Variants in KCNG2 observed in about 807,000 individuals in gnomAD.
KCNG2 encodes the protein potassium voltage-gated channel modifier subfamily G member 2.
Under a neutral mutation model 12.3 loss-of-function variants are expected in KCNG2, and 7 were observed. The observed-to-expected ratio is 0.57, with a 90% CI of 0.32 to 1.07. KCNG2 has a LOEUF of 1.07. Ranked by LOEUF, KCNG2 falls within the 50% of genes least tolerant of loss-of-function variation. The probability of loss-of-function intolerance (pLI) is 0.04; values close to 1 mark genes in which losing one functional copy is unlikely to be tolerated. For missense variants in KCNG2, 703 were observed against 726.0 expected, an observed-to-expected ratio of 0.97 and a Z score of 0.36; for synonymous variants, 414 against 351.4, an observed-to-expected ratio of 1.18 and a Z score of -1.99.
At chr18:79,829,328 GTGTGTGTCT>G (rs977328159) in intron 1 of KCNG2, among the ~76,000 whole-genome samples, 5 of 151,772 alleles carry the variant, frequency 3.3e-5, no homozygotes, top group African/African-American at 1.2e-4. Context: ...ACATGTGTCT[GTGTGTGTCT>G]TGTGTGTCTG....
In KCNG2 at chr18:79,828,995, AAC is replaced by A. The variant is rs1309926587; in HGVS notation, c.-114-27382_-114-27381del. 8.2e-5 allele frequency among the ~76,000 whole-genome samples: 8 copies of A among 97,802 alleles called. No individual in the cohort carries two copies. In the East Asian group the frequency reaches 2.7e-3, roughly 33 times the overall value. The allele number at this position is 97,802 out of a possible 152,430, so 64.2% of individuals were successfully genotyped here. On this transcript the variant is annotated intron_variant, in intron 1 of 3. Transcript: ENST00000316249. ...TGGGTGTCTATGTGTGCGTGTGTGT[AAC>A]ATGTCCATGATGTGTGCATGTGTCT... is the stretch of plus-strand genomic sequence containing the variant.
At chr18:79,893,239 T>G (rs189332726) in intron 3 of KCNG2, among the ~76,000 whole-genome samples, 1 of 152,138 alleles carries the variant, frequency 6.6e-6, no homozygotes, top group African/African-American at 2.4e-5. Context: ...TTGATATAGC[T>G]GGGTCTGTGT....
At chr18:79,817,318 GC>G (rs2087537152) in intron 1 of KCNG2, among the ~76,000 whole-genome samples, 3 of 152,286 alleles carry the variant, frequency 2.0e-5, no homozygotes, top group Middle Eastern at 6.8e-3. Context: ...CTGCCACATG[GC>G]CGCCACTCAC....
At chr18:79,858,189 A>G (rs932337661) in intron 2 of KCNG2, among the ~76,000 whole-genome samples, 1 of 151,992 alleles carries the variant, frequency 6.6e-6, no homozygotes, top group African/African-American at 2.4e-5. Flanking sequence ...TTTGGTAGAG[A>G]CAGGGTTTCG....
chr18:79,871,938 G>C (rs1194236327), intron 3 of KCNG2, among the ~76,000 whole-genome samples: 4 of 152,252 alleles, frequency 2.6e-5, no homozygotes, highest in African/African-American at 9.6e-5. Flanking sequence ...ACCAGGGCCA[G>C]CTGCTCTGGG....
chr18:79,805,014 T>C (rs1225013593), intron 1 of KCNG2, among the ~76,000 whole-genome samples: 1 of 152,202 alleles, frequency 6.6e-6, no homozygotes, highest in Non-Finnish European at 1.5e-5. Context: ...CATCATATTA[T>C]ATTGAAAGCA....
chr18:79,880,294 G>A, intron 3 of KCNG2, among the ~76,000 whole-genome samples: 1 of 137,916 alleles, frequency 7.3e-6, no homozygotes. Flanking sequence ...TCCAGCCTGG[G>A]TGACAGAGTG....
intron 3 of KCNG2, among the ~76,000 whole-genome samples, chr18:79,889,683 C>T (rs1170758278): frequency 6.6e-6 from 1 of 152,216 alleles, no homozygotes; most frequent in African/African-American, 2.4e-5. Context: ...TGTGAACCAA[C>T]ATGACATGAC....
intron 3 of KCNG2, among the ~76,000 whole-genome samples, chr18:79,877,425 G>C (rs770735034): frequency 6.6e-6 from 1 of 152,118 alleles, no homozygotes; most frequent in Non-Finnish European, 1.5e-5. Context: ...GCCAAGGGAT[G>C]CAGAAGGCTG....
At chr18:79,811,492 G>T (rs1048252719) in intron 1 of KCNG2, among the ~76,000 whole-genome samples, 3 of 152,208 alleles carry the variant, frequency 2.0e-5, no homozygotes, top group Non-Finnish European at 4.4e-5. Context: ...CTCTTCAGCA[G>T]ATGGTGCTGG....
intron 2 of KCNG2, among the ~76,000 whole-genome samples, chr18:79,861,826 G>C (rs540312136): frequency 6.6e-6 from 1 of 152,256 alleles, no homozygotes; most frequent in African/African-American, 2.4e-5. Context: ...TTCTTCACTT[G>C]TTTTCTTTCT....
chr18:79,899,167 TCAA>T lies in KCNG2; in HGVS notation c.755_757del (p.Asn252del). 1.2e-6 allele frequency: 2 copies of T among 1,606,440 alleles called. No homozygotes were observed. The highest frequency in any genetic ancestry group is 1.7e-6 in the Non-Finnish European group (2 of 1,179,646). Reference sequence around the variant, plus strand: ...AAGTGCGCCTTCCTGCGCGCGCCACTCAACATCATTGACATCCTGGCGCTCCTG... The same window carrying T: ...AAGTGCGCCTTCCTGCGCGCGCCACTCATCATTGACATCCTGGCGCTCCTG... On this transcript the variant is annotated inframe_deletion, in exon 4 of 4. Transcript: ENST00000316249.
chr18:79,817,641 C>G (rs1020144270), intron 1 of KCNG2, among the ~76,000 whole-genome samples: 1 of 152,270 alleles, frequency 6.6e-6, no homozygotes, highest in Non-Finnish European at 1.5e-5. Flanking sequence ...GCATGTCACA[C>G]ACAGCTGTAC....
rs369663513 is a variant in KCNG2, at chr18:79,800,329, G to A, written c.-115+2315G>A. The stretch of plus-strand genomic sequence containing the variant: ...TTGTAATGAATGGGGATATCTTAGG[G>A]CTAACGCTTGGTCAGGGATGTTCTT... On this transcript the variant is annotated intron_variant, in intron 1 of 3. Coordinates refer to ENST00000316249, the MANE Select transcript of KCNG2 (RefSeq NM_012283.2). The surrounding 1 kb of genome is among the most constrained non-coding windows in gnomAD (Gnocchi z 4.0). Among the ~76,000 whole-genome samples the A allele has an allele frequency of 1.3e-5, 2 of 152,214 alleles. No individual in the cohort carries two copies. The highest frequency in any genetic ancestry group is 3.9e-4 in the East Asian group (2 of 5,176).
intron 1 of KCNG2, among the ~76,000 whole-genome samples, chr18:79,853,009 C>T (rs927184058): frequency 2.8e-4 from 42 of 152,372 alleles, no homozygotes; most frequent in Admixed American, 1.6e-3. Context: ...CACGGCACCG[C>T]GTGGATGCCC....
Position 79,809,857 on chromosome 18 carries a change from C to G in KCNG2, c.-115+11843C>G, listed in dbSNP as rs563206800. On this transcript the variant is annotated intron_variant, in intron 1 of 3. Coordinates refer to ENST00000316249, the MANE Select transcript of KCNG2 (RefSeq NM_012283.2). ...GCCAAATGCCCGTGGCTGCCCTCTGCGTCTCCTTCATTGTTGCCGGTTTTA... is the reference window on the plus strand; with the variant it reads ...GCCAAATGCCCGTGGCTGCCCTCTGGGTCTCCTTCATTGTTGCCGGTTTTA... Among the ~76,000 whole-genome samples the G allele has an allele frequency of 7.2e-5, 11 of 152,302 alleles. No homozygotes were observed. The South Asian group carries it at 2.1e-3, about 29-fold the overall frequency.
chr18:79,892,890 A>G (rs897698763), intron 3 of KCNG2, among the ~76,000 whole-genome samples: 1 of 149,878 alleles, frequency 6.7e-6, no homozygotes, highest in Non-Finnish European at 1.5e-5. Context: ...ATTCACGTCT[A>G]ATGTTACAAT....
Position 79,874,909 on chromosome 18 carries a change from G to A in KCNG2, c.624+10618G>A, listed in dbSNP as rs557300630. Reference sequence around the variant, plus strand: ...CGCCATTCCTTCCTGTGGTAGGAGTGGGGGTTCCTGGAGGGTGTCAGGAGA... The same window carrying A: ...CGCCATTCCTTCCTGTGGTAGGAGTAGGGGTTCCTGGAGGGTGTCAGGAGA... On this transcript the variant is annotated intron_variant, in intron 3 of 3. Transcript: ENST00000316249. 3.5e-4 allele frequency among the ~76,000 whole-genome samples: 54 copies of A among 152,248 alleles called. 1 individual carries two copies. In the East Asian group the frequency reaches 8.5e-3, roughly 24 times the overall value.
intron 3 of KCNG2, among the ~76,000 whole-genome samples, chr18:79,882,282 G>A (rs1980327445): frequency 6.6e-6 from 1 of 152,316 alleles, no homozygotes; most frequent in East Asian, 1.9e-4. Context: ...GCCGAGGTGG[G>A]AAGATCACTT....
Sources: allele counts gnomAD v4.1 joint callset (sites outside exome capture counted in the v4.1 genomes callset), GRCh38; gene constraint gnomAD v4.1.1; non-coding constraint Gnocchi (gnomAD v3.1); transcripts MANE v1.5; gene names NCBI Gene and HGNC (gene_info 2026-07-23, HGNC 2026-07-21).